Variants in ETV6 observed in about 807,000 individuals in gnomAD.
ETV6 encodes ETS variant transcription factor 6, also known as transcription factor ETV6.
Under a neutral mutation model 51.1 loss-of-function variants are expected in ETV6, and 16 were observed. That is an observed-to-expected ratio of 0.31 (90% CI 0.21 to 0.48). ETV6 has a LOEUF of 0.48. Ranked by LOEUF, ETV6 falls within the 20% of genes least tolerant of loss-of-function variation. The probability of loss-of-function intolerance (pLI) is 0.99; values close to 1 mark genes in which losing one functional copy is unlikely to be tolerated. For synonymous variants in ETV6, 240 were observed against 224.1 expected, an observed-to-expected ratio of 1.07 and a Z score of -0.64; for missense variants, 458 against 594.8, an observed-to-expected ratio of 0.77 and a Z score of 2.39.
chr12:11,727,395 G>A (rs1359283469), intron 1 of ETV6, among the ~76,000 whole-genome samples: 1 of 152,236 alleles, frequency 6.6e-6, no homozygotes, highest in African/African-American at 2.4e-5. Flanking sequence ...TCTCCCTCGT[G>A]GTGGCAGCGT....
Position 11,853,500 on chromosome 12 carries a change from C to T in ETV6, c.402C>T (p.Phe134=), listed in dbSNP as rs368516584. ...CTCGGATTCTTTTTTCACCATTCTTCCACCCTGGAAACTCTATACACACAC... is the reference window on the plus strand; with the variant it reads ...CTCGGATTCTTTTTTCACCATTCTTTCACCCTGGAAACTCTATACACACAC... ...RKPRILFSPF[F]HPGNSIHTQP... is the part of the protein sequence containing the mutation. Residue 134 remains phenylalanine (F), a synonymous_variant, in exon 4 of 8, where the codon TTC becomes TTT. Coordinates refer to ENST00000396373, the MANE Select transcript of ETV6 (RefSeq NM_001987.5). The T allele has an allele frequency of 4.3e-6, 7 of 1,614,092 alleles. No homozygotes were observed. The highest frequency in any genetic ancestry group is 5.1e-6 in the Non-Finnish European group (6 of 1,180,042).
At chr12:11,715,395 TAGTG>T (rs1195884696) in intron 1 of ETV6, among the ~76,000 whole-genome samples, 1 of 152,170 alleles carries the variant, frequency 6.6e-6, no homozygotes, top group African/African-American at 2.4e-5. Context: ...ACTAGATACA[TAGTG>T]AGTGCCAGGT....
chr12:11,727,960 C>T (rs1465600344), intron 1 of ETV6, among the ~76,000 whole-genome samples: 7 of 152,162 alleles, frequency 4.6e-5, no homozygotes, highest in Admixed American at 3.9e-4. Flanking sequence ...GCTGGGATTA[C>T]AGACACGCGC....
chr12:11,765,438 C>T (rs1421267356), intron 2 of ETV6, among the ~76,000 whole-genome samples: 1 of 151,716 alleles, frequency 6.6e-6, no homozygotes, highest in Non-Finnish European at 1.5e-5. Flanking sequence ...CTTTAGGTCT[C>T]TGTATTGTTT....
At chr12:11,890,825 T>A in intron 7 of ETV6, 116 bp from the exon 8 acceptor site, 1 of 800,188 alleles carries the variant, frequency 1.2e-6, no homozygotes, top group African/African-American at 1.7e-5. Flanking sequence ...CGGGGTTCAG[T>A]AGCTCTCCAG....
chr12:11,862,413 G>A (rs1301136389), intron 4 of ETV6, among the ~76,000 whole-genome samples: 1 of 152,188 alleles, frequency 6.6e-6, no homozygotes, highest in Non-Finnish European at 1.5e-5. Context: ...CTGTAACAAA[G>A]TACCCCAAAC....
chr12:11,818,354 C>G (rs1946025586), intron 2 of ETV6, among the ~76,000 whole-genome samples: 1 of 152,096 alleles, frequency 6.6e-6, no homozygotes, highest in Admixed American at 6.5e-5. Context: ...CCCATCTCTA[C>G]TAAAAAATAC....
intron 1 of ETV6, among the ~76,000 whole-genome samples, chr12:11,677,346 T>C (rs1041872211): frequency 1.3e-5 from 2 of 152,208 alleles, no homozygotes; most frequent in African/African-American, 4.8e-5. Context: ...CCAAGTTCTT[T>C]CCTGGCTCTG....
chr12:11,733,832 C>T (rs143243835), intron 1 of ETV6, among the ~76,000 whole-genome samples: 135 of 152,318 alleles, frequency 8.9e-4, no homozygotes, highest in Middle Eastern at 3.4e-3. Context: ...GAAGCTGATG[C>T]TGAGAGGTGG....
intron 1 of ETV6, among the ~76,000 whole-genome samples, chr12:11,661,618 C>G (rs1864101607): frequency 6.6e-6 from 1 of 152,256 alleles, no homozygotes; most frequent in South Asian, 2.1e-4. Flanking sequence ...GACTACACCT[C>G]CAGTCCCCTG....
intron 1 of ETV6, among the ~76,000 whole-genome samples, chr12:11,705,217 A>AT (rs1187425417): frequency 4.6e-5 from 7 of 152,234 alleles, no homozygotes. Flanking sequence ...CATCTAAAAA[A>AT]CAGGAGATGA....
chr12:11,758,415 C>T (rs1347092078), intron 2 of ETV6, among the ~76,000 whole-genome samples: 3 of 152,080 alleles, frequency 2.0e-5, no homozygotes, highest in East Asian at 1.9e-4. Flanking sequence ...GCAGACATGT[C>T]GTTGTCTGTG....
At chr12:11,830,010 A>G (rs1474594183) in intron 2 of ETV6, among the ~76,000 whole-genome samples, 1 of 152,130 alleles carries the variant, frequency 6.6e-6, no homozygotes, top group Non-Finnish European at 1.5e-5. Flanking sequence ...TTTTGAGCAG[A>G]TTTGCAGAGA....
Position 11,792,129 on chromosome 12 carries a change from G to A in ETV6, c.163+39550G>A, listed in dbSNP as rs184675530. Reference sequence around the variant, plus strand: ...TGTAGTATAAATGTATAGAACACCTGGAAACCAAGGCACTATGCTGGGCCC... The same window carrying A: ...TGTAGTATAAATGTATAGAACACCTAGAAACCAAGGCACTATGCTGGGCCC... On this transcript the variant is annotated intron_variant, in intron 2 of 7. Coordinates refer to ENST00000396373, the MANE Select transcript of ETV6 (RefSeq NM_001987.5). 7.9e-5 allele frequency among the ~76,000 whole-genome samples: 12 copies of A among 152,268 alleles called. No homozygotes were observed. The East Asian group carries it at 2.3e-3, about 29-fold the overall frequency.
intron 2 of ETV6, among the ~76,000 whole-genome samples, chr12:11,779,259 T>G (rs1474481643): frequency 1.3e-5 from 2 of 152,224 alleles, no homozygotes; most frequent in South Asian, 4.1e-4. Flanking sequence ...TTGTACTTTT[T>G]ATGGTTCTTA....
chr12:11,677,632 C>G (rs1864445831), intron 1 of ETV6, among the ~76,000 whole-genome samples: 1 of 152,202 alleles, frequency 6.6e-6, no homozygotes, highest in Non-Finnish European at 1.5e-5. Flanking sequence ...ACATGCTGGA[C>G]ATTATCAGAA....
rs569907110 is a variant in ETV6 at position 11,893,221 on chromosome 12, T to A, written c.*2175T>A. 4 of 232,810 alleles carry A rather than the reference T, an allele frequency of 1.7e-5. No individual in the cohort carries two copies. The highest frequency in any genetic ancestry group is 1.1e-4 in the Admixed American group (2 of 17,776). 14.4% of individuals were successfully genotyped at this position (232,810 alleles called of 1,614,324 possible). A position where few individuals can be genotyped will look rare whatever the true frequency, so the allele number is the denominator to read the frequency against. Reference sequence around the variant, plus strand: ...TTGTGAAAGCCACTGATTTTAAGAATGGAGAGAAAGGGATTTTTTACTGCA... The same window carrying A: ...TTGTGAAAGCCACTGATTTTAAGAAAGGAGAGAAAGGGATTTTTTACTGCA... On this transcript the variant is annotated 3_prime_UTR_variant, in exon 8 of 8. Transcript: ENST00000396373.
At position 11,649,881 on chromosome 12, in the gene ETV6, G is replaced by T; in HGVS notation, c.-247G>T. 1 of 151,124 alleles carries T rather than the reference G, an allele frequency of 6.6e-6. No homozygotes were observed. The highest frequency in any genetic ancestry group is 1.8e-4 in the South Asian group (1 of 5,546). The allele number at this position is 151,124 out of a possible 1,614,324, so 9.4% of individuals were successfully genotyped here. On this transcript the variant is annotated 5_prime_UTR_variant, in exon 1 of 8. Coordinates refer to ENST00000396373, the MANE Select transcript of ETV6 (RefSeq NM_001987.5). Reference sequence around the variant, plus strand: ...GTCCCGGGTCCCCGCGCCGCGCCGCGACCTGCAGACCCCGCCGCCGCGCTC... The same window carrying T: ...GTCCCGGGTCCCCGCGCCGCGCCGCTACCTGCAGACCCCGCCGCCGCGCTC...
rs558430253 is a variant in ETV6, at chr12:11,860,530, T to A, written c.463+6969T>A. Among the ~76,000 whole-genome samples, 3 of 147,000 alleles carry A rather than the reference T, an allele frequency of 2.0e-5. No homozygotes were observed. The East Asian group carries it at 6.0e-4, about 29-fold the overall frequency. On this transcript the variant is annotated intron_variant, in intron 4 of 7. Coordinates refer to ENST00000396373, the MANE Select transcript of ETV6 (RefSeq NM_001987.5). ...AGGGTTGACATAAGAAAGAAATGAG[T>A]CTCCAGCCTGGGCGACAGAGTGAGA... is the stretch of plus-strand genomic sequence containing the variant.
Sources: gnomAD v4.1 joint callset for allele counts (sites outside exome capture counted in the v4.1 genomes callset) on GRCh38, gnomAD v4.1.1 for gene constraint, MANE v1.5 for transcripts, NCBI Gene and HGNC (gene_info 2026-07-23, HGNC 2026-07-21) for gene names.